Variants in ROPN1L observed in about 807,000 individuals in gnomAD.
ROPN1L encodes the protein rhophilin associated tail protein 1 like, also known as ropporin-1-like protein.
Under a neutral mutation model 22.7 loss-of-function variants are expected in ROPN1L, and 23 were observed. The observed-to-expected ratio is 1.01, with a 90% CI of 0.73 to 1.43. The LOEUF (loss-of-function observed/expected upper bound fraction) is 1.43. Among genes scored for constraint, ROPN1L ranks in the 40% most tolerant of loss-of-function variants. ROPN1L has a pLI of 0.00. For missense variants in ROPN1L, 271 were observed against 291.5 expected (o/e 0.93, Z 0.51); for synonymous variants, 116 against 117.8 (o/e 0.98, Z 0.10).
At chr5:10,471,116 T>G (rs879423216) in intron 4 of ROPN1L, among the ~76,000 whole-genome samples, 1 of 152,036 alleles carries the variant, frequency 6.6e-6, no homozygotes, top group Non-Finnish European at 1.5e-5. Flanking sequence ...AGTGGGAGAA[T>G]TTGTTCCTTG....
At chr5:10,451,140 C>A (rs1189492319) in intron 3 of ROPN1L, among the ~76,000 whole-genome samples, 2 of 152,254 alleles carry the variant, frequency 1.3e-5, no homozygotes, top group African/African-American at 2.4e-5. Flanking sequence ...GATTTTCCCC[C>A]CTCCCTTCAG....
downstream of ROPN1L, among the ~76,000 whole-genome samples, chr5:10,476,156 T>C (rs1423787931): frequency 6.6e-6 from 1 of 152,248 alleles, no homozygotes; most frequent in Non-Finnish European, 1.5e-5. Flanking sequence ...ATGCAGTCTC[T>C]AGCTGAGCAG....
chr5:10,465,344 T>C (rs894829111), downstream of ROPN1L, among the ~76,000 whole-genome samples: 6 of 151,814 alleles, frequency 4.0e-5, no homozygotes, highest in Non-Finnish European at 8.8e-5. Context: ...TGAAACCCCG[T>C]CTCTACTAAA....
At chr5:10,461,149 CT>C (rs756887273) in intron 3 of ROPN1L, 34 bp from the exon 4 acceptor site, 164 of 1,584,788 alleles carry the variant, frequency 1.0e-4, no homozygotes, top group Non-Finnish European at 1.2e-4. Flanking sequence ...CCAGGAGTAA[CT>C]GTTTTTCTCC....
At chr5:10,450,904 G>A (rs181746162) in intron 3 of ROPN1L, among the ~76,000 whole-genome samples, 42 of 152,310 alleles carry the variant, frequency 2.8e-4, no homozygotes, top group African/African-American at 3.8e-4. Context: ...TCCAGGTGAC[G>A]AGGCGAGCCT....
chr5:10,481,891 G>C, the ROPN1L span: 1 of 152,222 alleles, frequency 6.6e-6, no homozygotes, highest in Non-Finnish European at 1.5e-5. Flanking sequence ...CCACCTCTTT[G>C]CTTCTCCAAG....
chr5:10,476,284 G>C (rs146126253), downstream of ROPN1L, among the ~76,000 whole-genome samples: 1 of 152,196 alleles, frequency 6.6e-6, no homozygotes, highest in East Asian at 1.9e-4. Context: ...GCATGATTGC[G>C]TGTAAACTCC....
downstream of ROPN1L, among the ~76,000 whole-genome samples, chr5:10,474,124 C>T (rs1735287339): frequency 6.7e-6 from 1 of 148,780 alleles, no homozygotes; most frequent in South Asian, 2.1e-4. Context: ...TGCACTCCAG[C>T]TTGGGCTACA....
chr5:10,444,386 G>A (rs1740987991), intron 1 of ROPN1L, among the ~76,000 whole-genome samples: 2 of 152,066 alleles, frequency 1.3e-5, no homozygotes, highest in South Asian at 2.1e-4. Context: ...TGCCTCCCGG[G>A]TTCAAGCGAT....
downstream of ROPN1L, among the ~76,000 whole-genome samples, chr5:10,476,053 T>A (rs1289482789): frequency 1.3e-5 from 2 of 152,218 alleles, no homozygotes; most frequent in African/African-American, 2.4e-5. Context: ...TTAAGGCCCA[T>A]ACTTAGGAGT....
chr5:10,461,390 A>G (rs1406715444), intron 4 of ROPN1L, 31 bp downstream of exon 4: 1 of 1,580,038 alleles, frequency 6.3e-7, no homozygotes, highest in East Asian at 2.2e-5. Flanking sequence ...GGATTCAGGT[A>G]TGTTGACCAT....
intron 1 of ROPN1L, 129 bp downstream of exon 1, chr5:10,442,427 C>A: frequency 8.6e-7 from 1 of 1,169,228 alleles, no homozygotes. Flanking sequence ...GCAAAACTTT[C>A]CCCTTAGCAT....
downstream of ROPN1L, among the ~76,000 whole-genome samples, chr5:10,474,614 C>G (rs1735294788): frequency 1.3e-5 from 2 of 152,374 alleles, no homozygotes; most frequent in Non-Finnish European, 2.9e-5. Flanking sequence ...AGATTGCAGC[C>G]TCGGCCCACG....
intron 1 of ROPN1L, among the ~76,000 whole-genome samples, chr5:10,442,735 C>T (rs1157037671): frequency 6.6e-6 from 1 of 152,120 alleles, no homozygotes; most frequent in Non-Finnish European, 1.5e-5. Flanking sequence ...CTATGTATAC[C>T]CAGAGCTGGT....
At chr5:10,461,450 T>C (rs1735028563) in intron 4 of ROPN1L, 91 bp downstream of exon 4, 3 of 1,083,224 alleles carry the variant, frequency 2.8e-6, no homozygotes, top group Non-Finnish European at 2.8e-6. Flanking sequence ...ACTCAGTTTT[T>C]CCTTTGCTCT....
At chr5:10,475,784 G>C (rs969079655), downstream of ROPN1L, among the ~76,000 whole-genome samples, 2 of 152,120 alleles carry the variant, frequency 1.3e-5, no homozygotes, top group Non-Finnish European at 2.9e-5. Context: ...GGACTCAGAG[G>C]CTTTCTATTA....
intron 1 of ROPN1L, among the ~76,000 whole-genome samples, chr5:10,446,680 C>T (rs1342761191): frequency 6.7e-6 from 1 of 148,560 alleles, no homozygotes; most frequent in African/African-American, 2.5e-5. Context: ...AAAGCGTCTC[C>T]AGAAATTGCC....
At chr5:10,457,401 G>T (rs566726467) in intron 3 of ROPN1L, among the ~76,000 whole-genome samples, 1 of 152,334 alleles carries the variant, frequency 6.6e-6, no homozygotes, top group African/African-American at 2.4e-5. Flanking sequence ...TGTGCCCCAG[G>T]TCTTGTTCCC....
At chr5:10,455,624 T>C (rs1579650170) in intron 3 of ROPN1L, among the ~76,000 whole-genome samples, 1 of 152,220 alleles carries the variant, frequency 6.6e-6, no homozygotes, top group African/African-American at 2.4e-5. Flanking sequence ...CTGCACAGGA[T>C]ATCACACCCC....
Sources: gnomAD v4.1 joint callset for allele counts (sites outside exome capture counted in the v4.1 genomes callset) on GRCh38, gnomAD v4.1.1 for gene constraint, MANE v1.5 for transcripts, NCBI Gene and HGNC (gene_info 2026-07-23, HGNC 2026-07-21) for gene names.